Variants in LYPD1 observed in about 807,000 individuals in gnomAD.
LYPD1 encodes the protein ly6/PLAUR domain-containing protein 1.
Under a neutral mutation model 14.2 loss-of-function variants are expected in LYPD1, and 14 were observed. The ratio of observed to expected loss-of-function variants is 0.99; its 90% CI spans 0.65 to 1.54. The LOEUF (loss-of-function observed/expected upper bound fraction) is 1.54, where lower values mean the gene tolerates loss of function less well. Among genes scored for constraint, LYPD1 ranks in the 40% most tolerant of loss-of-function variants. LYPD1 has a pLI of 0.00. For missense variants in LYPD1, 165 were observed against 175.7 expected (o/e 0.94, Z 0.34); for synonymous variants, 85 against 70.6 (o/e 1.20, Z -1.02).
chr2:132,646,558 TATTTACATTTTAAGTC>T (rs1682095800), intron 2 of LYPD1: 1 of 327,714 alleles, frequency 3.1e-6, no homozygotes, highest in Admixed American at 4.9e-5. Flanking sequence ...TAAATAGACT[TATTTACATTTTAAGTC>T]AGAGTTCACA....
chr2:132,670,008 AGCGGCTGTG>A lies in LYPD1; in HGVS notation c.-85_-77del. 1 of 1,582,942 alleles carries A rather than the reference AGCGGCTGTG, an allele frequency of 6.3e-7. No homozygotes were observed. Among genetic ancestry groups the A allele is most frequent in the Non-Finnish European group, 8.5e-7 (1 of 1,170,902 alleles). On this transcript the variant is annotated 5_prime_UTR_variant, in exon 1 of 3. Transcript: ENST00000397463. This position sits in a 1 kb window ranked among gnomAD's most constrained non-coding sequence, Gnocchi z 4.5. ...CAGCAGCGGAGGCTGCCCCGGCTGC[AGCGGCTGTG>A]GCTGCCGAGGCTGCTGGGGCCCGCG... is the stretch of plus-strand genomic sequence containing the variant.
intron 2 of LYPD1, among the ~76,000 whole-genome samples, chr2:132,655,860 C>A (rs919778039): frequency 6.6e-6 from 1 of 152,094 alleles, no homozygotes; most frequent in Non-Finnish European, 1.5e-5. Flanking sequence ...AGCCCCTGGA[C>A]CTTGAGGATC....
At chr2:132,648,376 C>T (rs1187291741) in intron 2 of LYPD1, among the ~76,000 whole-genome samples, 1 of 152,228 alleles carries the variant, frequency 6.6e-6, no homozygotes, top group South Asian at 2.1e-4. Context: ...CCGTGTTCCC[C>T]TAGAGGCAGA....
At chr2:132,662,189 C>A (rs912027046) in intron 2 of LYPD1, among the ~76,000 whole-genome samples, 4 of 152,154 alleles carry the variant, frequency 2.6e-5, no homozygotes, top group African/African-American at 9.7e-5. Context: ...TCTGGGCCAC[C>A]CTTCAGAAGC....
At chr2:132,658,051 C>T (rs1056261676) in intron 2 of LYPD1, among the ~76,000 whole-genome samples, 2 of 152,150 alleles carry the variant, frequency 1.3e-5, no homozygotes, top group Non-Finnish European at 2.9e-5. Flanking sequence ...AACTCTTTTG[C>T]GTTCTCATTA....
chr2:132,668,345 C>T, intron 2 of LYPD1, 55 bp downstream of exon 2: 1 of 1,538,056 alleles, frequency 6.5e-7, no homozygotes, highest in Non-Finnish European at 8.7e-7. Context: ...GGCCCCCTCA[C>T]TCCCACCCCA....
chr2:132,645,864 G>GAAT lies in LYPD1; in HGVS notation c.*178_*180dup. 1.5e-6 allele frequency: 1 copy of GAAT among 658,496 alleles called. No individual in the cohort carries two copies. The highest frequency in any genetic ancestry group is 2.5e-6 in the Non-Finnish European group (1 of 395,734). 40.8% of individuals were successfully genotyped at this position (658,496 alleles called of 1,614,324 possible). The stretch of plus-strand genomic sequence containing the variant: ...TACATACTGAAAATTCAGTCAGGCT[G>GAAT]AATTTATTCAGAATGCTTTACCGAG... On this transcript the variant is annotated 3_prime_UTR_variant, in exon 3 of 3. Transcript: ENST00000397463.
At chr2:132,656,997 C>T (rs1394584869) in intron 2 of LYPD1, among the ~76,000 whole-genome samples, 1 of 152,180 alleles carries the variant, frequency 6.6e-6, no homozygotes, top group Non-Finnish European at 1.5e-5. Flanking sequence ...GCCACATCCA[C>T]AATGAAATAG....
At chr2:132,656,386 C>G (rs1015405063) in intron 2 of LYPD1, among the ~76,000 whole-genome samples, 3 of 152,116 alleles carry the variant, frequency 2.0e-5, no homozygotes, top group African/African-American at 7.2e-5. Flanking sequence ...GATTACATCA[C>G]AATAAATATT....
intron 2 of LYPD1, among the ~76,000 whole-genome samples, chr2:132,650,686 T>G (rs1168749549): frequency 2.0e-5 from 3 of 151,092 alleles, no homozygotes; most frequent in African/African-American, 7.4e-5. Flanking sequence ...CTCCTTCCTT[T>G]TCTCTCCCTC....
rs1172102507 is a variant in LYPD1, at chr2:132,668,482, G to C, written c.108C>G (p.Asp36Glu). Residue 36 changes from aspartate to glutamate, a missense_variant, in exon 2 of 3, where the codon GAC becomes GAG. Physicochemically the swap from Asp to Glu is conservative, Grantham distance 45. Transcript: ENST00000397463. ...TCACAATGAACTCGGGGGAGGAGCAGTCGTTGTTCAGCTGGAATTCTTCAC... is the reference window on the plus strand; with the variant it reads ...TCACAATGAACTCGGGGGAGGAGCACTCGTTGTTCAGCTGGAATTCTTCAC... ...YQCEEFQLNNDCSSPEFIVNC... is the reference protein window; with the variant it reads ...YQCEEFQLNNECSSPEFIVNC... 1 of 1,612,234 alleles carries C rather than the reference G, an allele frequency of 6.2e-7. No individual in the cohort carries two copies. The highest frequency in any genetic ancestry group is 1.1e-5 in the South Asian group (1 of 90,624).
intron 2 of LYPD1, chr2:132,663,061 G>A (rs1035194491): frequency 1.3e-5 from 2 of 152,174 alleles, no homozygotes; most frequent in Non-Finnish European, 2.9e-5. Flanking sequence ...GTGGTCAACT[G>A]CTTGGCAAAA....
chr2:132,656,282 A>G (rs1418060229), intron 2 of LYPD1, among the ~76,000 whole-genome samples: 1 of 152,218 alleles, frequency 6.6e-6, no homozygotes, highest in Non-Finnish European at 1.5e-5. Flanking sequence ...TTAAAGACGA[A>G]CTTTTCCAGC....
At chr2:132,659,959 T>G (rs1365811064) in intron 2 of LYPD1, among the ~76,000 whole-genome samples, 1 of 152,264 alleles carries the variant, frequency 6.6e-6, no homozygotes, top group Non-Finnish European at 1.5e-5. Context: ...CTGCTTCTGC[T>G]GATGCTCTTT....
At position 132,646,552 on chromosome 2, in the gene LYPD1, T is replaced by C. The variant is rs113557946; in HGVS notation, c.191-272A>G. ...TACCTGTTAATAAAGAGCTGTTAAA[T>C]AGACTTATTTACATTTTAAGTCAGA... On this transcript the variant is annotated intron_variant, in intron 2 of 2. Transcript: ENST00000397463. 596 of 338,152 alleles carry C rather than the reference T, an allele frequency of 1.8e-3. 2 individuals carry two copies. The highest frequency in any genetic ancestry group is 0.011 in the African/African-American group (531 of 47,658). 20.9% of individuals were successfully genotyped at this position (338,152 alleles called of 1,614,324 possible). A position where few individuals can be genotyped will look rare whatever the true frequency, so the allele number is the denominator to read the frequency against.
intron 2 of LYPD1, among the ~76,000 whole-genome samples, chr2:132,655,514 A>ATTTTTTTTTT (rs1180944589): frequency 0.041 from 4,063 of 99,264 alleles, 707 homozygotes; most frequent in African/African-American, 0.14. Context: ...GTTGAGAAGC[A>ATTTTTTTTTT]TTTTTTTTTT....
Position 132,670,036 on chromosome 2 carries a change from G to A in LYPD1, c.-104C>T, listed in dbSNP as rs1284358134. The A allele has an allele frequency of 6.4e-7, 1 of 1,552,778 alleles. No homozygotes were observed. Among genetic ancestry groups the A allele is most frequent in the Non-Finnish European group, 8.6e-7 (1 of 1,158,514 alleles). On this transcript the variant is annotated 5_prime_UTR_variant, in exon 1 of 3. Coordinates refer to ENST00000397463, the MANE Select transcript of LYPD1 (RefSeq NM_144586.7). This position sits in a 1 kb window ranked among gnomAD's most constrained non-coding sequence, Gnocchi z 4.5. ...GGCTGTGGCTGCCGAGGCTGCTGGG[G>A]CCCGCGCTGCTGCCGCGGAGACGAC...
chr2:132,670,965 G>A (rs901085038), upstream of LYPD1, among the ~76,000 whole-genome samples: 1 of 152,188 alleles, frequency 6.6e-6, no homozygotes, highest in Non-Finnish European at 1.5e-5. This position sits in a 1 kb window ranked among gnomAD's most constrained non-coding sequence, Gnocchi z 4.5. Context: ...GGTCCTACCA[G>A]AAAGCAAATC....
Position 132,669,939 on chromosome 2 carries a change from G to A in LYPD1, c.-7C>T, listed in dbSNP as rs371451824. On this transcript the variant is annotated 5_prime_UTR_variant, in exon 1 of 3. Transcript: ENST00000397463. The surrounding 1 kb of genome is among the most constrained non-coding windows in gnomAD (Gnocchi z 4.3). ...CGATGCCTAGGACCCACATTCTCCC[G>A]GAGTCCCGGGGCCGGGAGAGGGCAA... 202 of 1,612,024 alleles carry A rather than the reference G, an allele frequency of 1.3e-4. No homozygotes were observed. The highest frequency in any genetic ancestry group is 1.6e-4 in the Non-Finnish European group (189 of 1,179,286).
Sources: allele counts gnomAD v4.1 joint callset (sites outside exome capture counted in the v4.1 genomes callset), GRCh38; gene constraint gnomAD v4.1.1; non-coding constraint Gnocchi (gnomAD v3.1); transcripts MANE v1.5; gene names NCBI Gene and HGNC (gene_info 2026-07-23, HGNC 2026-07-21).